CDK17: variants seen among roughly 807,000 people sequenced by gnomAD.
CDK17 encodes cyclin dependent kinase 17.
Under a neutral mutation model 77.6 loss-of-function variants are expected in CDK17, and 24 were observed. The ratio of observed to expected loss-of-function variants is 0.31; its 90% CI spans 0.22 to 0.44. CDK17 has a LOEUF of 0.44. Among genes scored for constraint, CDK17 ranks in the 20% least tolerant of loss-of-function variants. The pLI is 1.00. For missense variants in CDK17, 429 were observed against 622.5 expected, an observed-to-expected ratio of 0.69 and a Z score of 3.31; for synonymous variants, 203 against 210.4, an observed-to-expected ratio of 0.96 and a Z score of 0.30.
intron 1 of CDK17, among the ~76,000 whole-genome samples, chr12:96,360,918 T>C (rs1165214882): frequency 2.0e-5 from 3 of 152,158 alleles, no homozygotes; most frequent in Admixed American, 1.3e-4. Context: ...TAAAAGTTGC[T>C]AACCAGGAAA....
chr12:96,349,778 G>C (rs1316409733), intron 1 of CDK17, among the ~76,000 whole-genome samples: 1 of 151,664 alleles, frequency 6.6e-6, no homozygotes, highest in Non-Finnish European at 1.5e-5. Flanking sequence ...AGAACAATTA[G>C]GCAAGAAAAA....
At chr12:96,328,923 T>C (rs557577336) in intron 2 of CDK17, among the ~76,000 whole-genome samples, 13 of 152,288 alleles carry the variant, frequency 8.5e-5, no homozygotes, top group Admixed American at 6.5e-5. Flanking sequence ...CAATAAAATA[T>C]TCTAACACTT....
At chr12:96,346,495 G>C (rs185390263) in intron 1 of CDK17, among the ~76,000 whole-genome samples, 2 of 152,162 alleles carry the variant, frequency 1.3e-5, no homozygotes, top group Non-Finnish European at 1.5e-5. Flanking sequence ...AGGCGTAGTG[G>C]CGTGCACCTA....
At chr12:96,342,543 C>G (rs1295215584) in intron 1 of CDK17, among the ~76,000 whole-genome samples, 2 of 151,682 alleles carry the variant, frequency 1.3e-5, no homozygotes, top group Non-Finnish European at 2.9e-5. Flanking sequence ...GCCCAGGTGA[C>G]AGAGCAAGAT....
intron 1 of CDK17, chr12:96,399,312 A>G (rs1421631195): frequency 6.6e-6 from 1 of 152,372 alleles, no homozygotes; most frequent in Non-Finnish European, 1.5e-5. Context: ...TCCCCTCCCC[A>G]TCGGTTTGCT....
intron 10 of CDK17, among the ~76,000 whole-genome samples, chr12:96,290,592 T>C (rs7485280): frequency 0.44 from 66,154 of 152,020 alleles, 15,623 homozygotes; most frequent in African/African-American, 0.61. Flanking sequence ...AGTTTTACTC[T>C]AGCATCTCAA....
intron 1 of CDK17, among the ~76,000 whole-genome samples, chr12:96,368,996 A>T (rs1034416509): frequency 3.3e-5 from 5 of 152,090 alleles, no homozygotes; most frequent in Non-Finnish European, 7.4e-5. Flanking sequence ...ATCCATGTTA[A>T]AGTTTGAAAA....
chr12:96,307,151 C>T (rs35576702), intron 5 of CDK17, among the ~76,000 whole-genome samples: 7,885 of 152,040 alleles, frequency 0.052, 272 homozygotes, highest in Non-Finnish European at 0.064. Flanking sequence ...CAAAATTAGC[C>T]GGGTGTGGTG....
At chr12:96,308,269 G>C (rs1431062432) in intron 5 of CDK17, among the ~76,000 whole-genome samples, 1 of 145,184 alleles carries the variant, frequency 6.9e-6, no homozygotes, top group East Asian at 1.9e-4. Flanking sequence ...TAATTAGCTG[G>C]GTGTGATGGT....
intron 1 of CDK17, among the ~76,000 whole-genome samples, chr12:96,371,914 T>C (rs943696237): frequency 2.6e-5 from 4 of 152,136 alleles, no homozygotes; most frequent in Admixed American, 2.6e-4. Context: ...TTAAGAATGT[T>C]CTTAGCATAC....
At chr12:96,297,431 A>G in intron 8 of CDK17, 99 bp from the exon 9 acceptor site, 4 of 822,874 alleles carry the variant, frequency 4.9e-6, no homozygotes, top group Non-Finnish European at 7.9e-6. Context: ...TTTTTCAAGA[A>G]AAGATACTGG....
intron 2 of CDK17, among the ~76,000 whole-genome samples, chr12:96,331,076 G>C (rs867978917): frequency 1.3e-5 from 2 of 152,242 alleles, no homozygotes; most frequent in Middle Eastern, 6.8e-3. Flanking sequence ...GAGCAGGTGG[G>C]GGACTACAGG....
At chr12:96,360,301 C>G (rs1413765833) in intron 1 of CDK17, among the ~76,000 whole-genome samples, 1 of 152,168 alleles carries the variant, frequency 6.6e-6, no homozygotes, top group African/African-American at 2.4e-5. Context: ...GAGGCCTGAT[C>G]ATTTGAAAGG....
intron 3 of CDK17, 89 bp downstream of exon 3, chr12:96,323,858 CG>C: frequency 1.1e-6 from 1 of 886,436 alleles, no homozygotes; most frequent in Non-Finnish European, 1.6e-6. Context: ...ACAGAAGAAA[CG>C]AGATAATAAA....
intron 15 of CDK17, 84 bp from the exon 16 acceptor site, chr12:96,280,969 C>T (rs1952172177): frequency 9.1e-7 from 1 of 1,103,526 alleles, no homozygotes; most frequent in South Asian, 1.6e-5. Flanking sequence ...GTTTATAAAG[C>T]ATATACTGAT....
At chr12:96,364,784 A>G (rs796639903) in intron 1 of CDK17, among the ~76,000 whole-genome samples, 76 of 152,356 alleles carry the variant, frequency 5.0e-4, no homozygotes, top group African/African-American at 1.8e-3. Context: ...AACTTCAACA[A>G]TTTCCTTGAA....
At chr12:96,322,858 CTT>C (rs1012125917) in intron 3 of CDK17, among the ~76,000 whole-genome samples, 1 of 152,080 alleles carries the variant, frequency 6.6e-6, no homozygotes, top group East Asian at 1.9e-4. Flanking sequence ...GTTCCTGAAA[CTT>C]TAACAATCAT....
Position 96,311,041 on chromosome 12 carries a change from C to T in CDK17, c.543+11G>A. The T allele has an allele frequency of 6.3e-7, 1 of 1,593,278 alleles. No individual in the cohort carries two copies. Among genetic ancestry groups the T allele is most frequent in the South Asian group, 1.2e-5 (1 of 86,388 alleles). On this transcript the variant is annotated intron_variant, in intron 5 of 16. Coordinates refer to ENST00000261211, the MANE Select transcript of CDK17 (RefSeq NM_002595.5). ...GATTGATGGTGGAGGTATAGGAGAC[C>T]AAAAACTTACTAAGGAAGCTCTACG... is the stretch of plus-strand genomic sequence containing the variant.
At chr12:96,284,502 T>C (rs1592703420) in intron 13 of CDK17, 1 of 144,648 alleles carries the variant, frequency 6.9e-6, no homozygotes, top group Admixed American at 6.9e-5. Flanking sequence ...ATAAGGGATA[T>C]AAAACTAATG....
Sources: gnomAD v4.1 joint callset for allele counts (sites outside exome capture counted in the v4.1 genomes callset) on GRCh38, gnomAD v4.1.1 for gene constraint, MANE v1.5 for transcripts, NCBI Gene and HGNC (gene_info 2026-07-23, HGNC 2026-07-21) for gene names.